The following MDN1 variants were observed in gnomAD, a reference collection of about 807,000 sequenced individuals.
MDN1 encodes the protein midasin AAA ATPase 1, also known as midasin.
In MDN1, 266 loss-of-function variants were observed where a neutral mutation model predicts 669.2. The observed-to-expected ratio is 0.40, with a 90% CI of 0.36 to 0.44. The LOEUF is 0.44. MDN1 is among the 20% of genes least tolerant of loss of function. The pLI is 1.00. For synonymous variants in MDN1, 2,385 were observed against 2,457.1 expected (o/e 0.97, Z 0.87); for missense variants, 5,940 against 6,754.0 (o/e 0.88, Z 4.22).
intron 15 of MDN1, among the ~76,000 whole-genome samples, chr6:89,768,283 G>C (rs147335923): frequency 5.1e-4 from 78 of 152,138 alleles, no homozygotes; most frequent in African/African-American, 1.9e-3. Context: ...TTGAATCATG[G>C]GGGTGGGTCT....
intron 100 of MDN1, among the ~76,000 whole-genome samples, chr6:89,645,476 G>A (rs1236835076): frequency 6.6e-6 from 1 of 152,298 alleles, no homozygotes; most frequent in Non-Finnish European, 1.5e-5. Flanking sequence ...TACTGTACAT[G>A]AGAATTAAAA....
chr6:89,728,044 TG>T, intron 36 of MDN1, 89 bp from the exon 37 acceptor site: 2 of 1,442,270 alleles, frequency 1.4e-6, no homozygotes, highest in Non-Finnish European at 1.9e-6. Context: ...GATAAATACT[TG>T]GGGCTGGCAC....
intron 90 of MDN1, 114 bp from the exon 91 acceptor site, chr6:89,656,915 T>A (rs1171540678): frequency 2.0e-5 from 18 of 879,288 alleles, no homozygotes; most frequent in Non-Finnish European, 3.0e-5. Context: ...CTCAGTCATA[T>A]AATCACTCCT....
At chr6:89,661,189 T>C (rs1809737249) in intron 88 of MDN1, among the ~76,000 whole-genome samples, 1 of 151,888 alleles carries the variant, frequency 6.6e-6, no homozygotes, top group Non-Finnish European at 1.5e-5. Flanking sequence ...GGCATAGCAG[T>C]GCCAAAAGCG....
At chr6:89,748,336 A>G (rs1196184318) in intron 26 of MDN1, among the ~76,000 whole-genome samples, 4 of 152,168 alleles carry the variant, frequency 2.6e-5, no homozygotes, top group African/African-American at 9.7e-5. Flanking sequence ...AAAAACAAAC[A>G]AAAAGTAATG....
Position 89,701,861 on chromosome 6 carries a change from T to C in MDN1, c.8306+43A>G, listed in dbSNP as rs1813182710. On this transcript the variant is annotated intron_variant, in intron 54 of 101. Coordinates refer to ENST00000369393, the MANE Select transcript of MDN1 (RefSeq NM_014611.3). ...GGTTCCAAATCTTATCCTTAACATC[T>C]ATCTGTAATCATTGACATTATTACT... 1.9e-6 allele frequency: 3 copies of C among 1,580,580 alleles called. No individual in the cohort carries two copies. In the African/African-American group the frequency reaches 4.1e-5, roughly 22 times the overall value.
chr6:89,772,796 T>C, intron 13 of MDN1, 75 bp from the exon 14 acceptor site: 1 of 1,501,420 alleles, frequency 6.7e-7, no homozygotes, highest in Non-Finnish European at 9.1e-7. Context: ...AACCATATAT[T>C]CCAGATTCAA....
At chr6:89,801,795 GAAAAA>G (rs541668209) in intron 2 of MDN1, among the ~76,000 whole-genome samples, 1 of 129,376 alleles carries the variant, frequency 7.7e-6, no homozygotes, top group Non-Finnish European at 1.7e-5. Flanking sequence ...CCCTGTCTCA[GAAAAA>G]AAAAAAAAAG....
chr6:89,790,443 C>T (rs1322395399), intron 5 of MDN1, 42 bp from the exon 6 acceptor site: 1 of 1,610,684 alleles, frequency 6.2e-7, no homozygotes, highest in Non-Finnish European at 8.5e-7. Flanking sequence ...AGAGTTCTTC[C>T]CCCAAGGAAC....
At chr6:89,686,808 C>A in intron 69 of MDN1, 94 bp downstream of exon 69, 1 of 1,493,244 alleles carries the variant, frequency 6.7e-7, no homozygotes, top group Non-Finnish European at 9.1e-7. Flanking sequence ...AGCCATGTAG[C>A]GGGAGAAGCG....
intron 26 of MDN1, among the ~76,000 whole-genome samples, chr6:89,748,751 G>T (rs1187967067): frequency 6.6e-6 from 1 of 151,894 alleles, no homozygotes; most frequent in East Asian, 1.9e-4. Context: ...ATATTATTGG[G>T]AAGCATTTAA....
At chr6:89,665,893 A>C (rs1365598770) in intron 84 of MDN1, among the ~76,000 whole-genome samples, 1 of 151,820 alleles carries the variant, frequency 6.6e-6, no homozygotes, top group Non-Finnish European at 1.5e-5. Flanking sequence ...TACAAAAATT[A>C]CCCTGGCATT....
At chr6:89,657,625 T>A (rs567666833) in intron 90 of MDN1, among the ~76,000 whole-genome samples, 41 of 152,342 alleles carry the variant, frequency 2.7e-4, no homozygotes, top group Middle Eastern at 3.4e-3. Flanking sequence ...AACACGAACC[T>A]GATTCTCCCA....
chr6:89,691,356 C>T (rs1812366514), intron 63 of MDN1, among the ~76,000 whole-genome samples: 1 of 152,208 alleles, frequency 6.6e-6, no homozygotes, highest in African/African-American at 2.4e-5. Flanking sequence ...GGCAAAAATT[C>T]TAACTTAAAG....
chr6:89,793,115 G>A (rs143818840), intron 5 of MDN1, among the ~76,000 whole-genome samples: 36 of 152,270 alleles, frequency 2.4e-4, no homozygotes, highest in African/African-American at 8.4e-4. Context: ...CAAGCCATTC[G>A]TGGAAAGAAG....
chr6:89,713,011 T>TA, intron 47 of MDN1, 137 bp downstream of exon 47: 4 of 969,556 alleles, frequency 4.1e-6, no homozygotes, highest in Admixed American at 5.7e-5. Context: ...AGTACCTGGA[T>TA]ACCAGATCTC....
rs779403039 is a variant in MDN1, at chr6:89,793,805, C to G, written c.812G>C (p.Cys271Ser). The G allele has an allele frequency of 1.8e-5, 29 of 1,614,044 alleles. 1 individual carries two copies. Among genetic ancestry groups the G allele is most frequent in the Middle Eastern group, 3.3e-4 (2 of 6,080 alleles). ...SDLSPRVTAV[C>S]GVVLPGQLPA... is the part of the protein sequence containing the mutation. ...CAGCTGCCCAGGCAGCACCACACCA[C>G]AAACAGCTGTCACCCTAGGGGAGAG... Residue 271 changes from cysteine (C) to serine (S), a missense_variant, in exon 5 of 102, where the codon TGT becomes TCT. By Grantham distance (112) the Cys-to-Ser change is moderately radical. This residue lies in a region of MDN1 where 1,203 missense variants were observed against 1,268.9 expected (regional missense o/e 0.95). Transcript: ENST00000369393.
chr6:89,796,739 T>A (rs941317829), intron 2 of MDN1, among the ~76,000 whole-genome samples: 4 of 152,044 alleles, frequency 2.6e-5, no homozygotes, highest in African/African-American at 7.2e-5. Context: ...TATTAAAAAA[T>A]AATTAGCATG....
intron 35 of MDN1, among the ~76,000 whole-genome samples, chr6:89,729,691 T>TTGTC (rs1815464021): frequency 1.3e-5 from 2 of 149,018 alleles, no homozygotes; most frequent in Admixed American, 1.3e-4. Context: ...TTTTTTTTTT[T>TTGTC]TTTTTTTGTA....
Sources: gnomAD v4.1 joint callset for allele counts (sites outside exome capture counted in the v4.1 genomes callset) on GRCh38, gnomAD v4.1.1 for gene constraint, gnomAD v4.1.1 regional missense constraint, MANE v1.5 for transcripts, NCBI Gene and HGNC (gene_info 2026-07-23, HGNC 2026-07-21) for gene names.